ZNF793: variants seen among roughly 807,000 people sequenced by gnomAD.
ZNF793 encodes zinc finger protein 793.
In ZNF793, 5 loss-of-function variants were observed where a neutral mutation model predicts 12.4. That is an observed-to-expected ratio of 0.40 (90% CI 0.21 to 0.84). The LOEUF (loss-of-function observed/expected upper bound fraction) is 0.84. Ranked by LOEUF, ZNF793 falls within the 40% of genes least tolerant of loss-of-function variation. ZNF793 has a pLI of 0.35. For synonymous variants in ZNF793, 162 were observed against 172.4 expected (o/e 0.94, Z 0.47); for missense variants, 456 against 495.0 (o/e 0.92, Z 0.75).
rs1038084 is a variant in ZNF793, at chr19:37,539,780, A to T, written c.*1901A>T. 6.6e-6 allele frequency: 1 copy of T among 151,982 alleles called. No homozygotes were observed. Among genetic ancestry groups the T allele is most frequent in the Non-Finnish European group, 1.5e-5 (1 of 67,992 alleles). The allele number at this position is 151,982 out of a possible 1,614,324, so 9.4% of individuals were successfully genotyped here. Reference sequence around the variant, plus strand: ...AGTAGAAAACTTGGTAGGATAGTTAACATTGAAAAACTCAAAAAAGCTATT... The same window carrying T: ...AGTAGAAAACTTGGTAGGATAGTTATCATTGAAAAACTCAAAAAAGCTATT... On this transcript the variant is annotated 3_prime_UTR_variant, in exon 8 of 8. Coordinates refer to ENST00000627814, the MANE Select transcript of ZNF793 (RefSeq NM_001013659.3).
chr19:37,540,935 A>G lies in ZNF793; in HGVS notation c.*3056A>G, dbSNP rs946729555. 86 of 152,136 alleles carry G rather than the reference A, an allele frequency of 5.7e-4. 2 individuals are homozygous for G. The highest frequency in any genetic ancestry group is 1.7e-3 in the African/African-American group (70 of 41,572). 9.4% of individuals were successfully genotyped at this position (152,136 alleles called of 1,614,324 possible). A position where few individuals can be genotyped will look rare whatever the true frequency, so the allele number is the denominator to read the frequency against. On this transcript the variant is annotated 3_prime_UTR_variant, in exon 8 of 8. Coordinates refer to ENST00000627814, the MANE Select transcript of ZNF793 (RefSeq NM_001013659.3). ...TACCATGTATAAAAACATCACATGT[A>G]CCCAATAAATATATACAACAATTAT...
intron 5 of ZNF793, among the ~76,000 whole-genome samples, chr19:37,524,203 G>GT (rs2147083665): frequency 6.7e-6 from 1 of 148,362 alleles, no homozygotes; most frequent in African/African-American, 2.5e-5. Context: ...ATAATAAAGG[G>GT]TTTTAAGCCT....
intron 5 of ZNF793, among the ~76,000 whole-genome samples, chr19:37,528,662 C>G (rs541554668): frequency 6.6e-6 from 1 of 152,264 alleles, no homozygotes; most frequent in South Asian, 2.1e-4. Flanking sequence ...AGTGACTGTC[C>G]TGCTCCTTCA....
At chr19:37,506,442 T>C (rs989185153), upstream of ZNF793, 1 of 152,244 alleles carries the variant, frequency 6.6e-6, no homozygotes. Context: ...TGTCTCTGTC[T>C]CCCTAAGAGC....
At chr19:37,518,437 A>G (rs935509404) in intron 2 of ZNF793, among the ~76,000 whole-genome samples, 2 of 151,844 alleles carry the variant, frequency 1.3e-5, no homozygotes, top group Admixed American at 6.6e-5. Flanking sequence ...CTCCACTACT[A>G]TTTCTAATGC....
chr19:37,515,763 A>G (rs954090182), intron 2 of ZNF793, among the ~76,000 whole-genome samples: 13 of 152,208 alleles, frequency 8.5e-5, no homozygotes, highest in African/African-American at 2.9e-4. Context: ...AGATGTATAG[A>G]AAGTCTTGAA....
At chr19:37,530,103 G>C (rs1012935917) in intron 5 of ZNF793, among the ~76,000 whole-genome samples, 1 of 152,062 alleles carries the variant, frequency 6.6e-6, no homozygotes, top group Non-Finnish European at 1.5e-5. Context: ...AAATAATTAA[G>C]TGCTGTGCTT....
chr19:37,514,265 C>T (rs1435455908), intron 2 of ZNF793, among the ~76,000 whole-genome samples: 1 of 152,166 alleles, frequency 6.6e-6, no homozygotes, highest in African/African-American at 2.4e-5. Context: ...TTCCTGTCCA[C>T]CATCTCAACT....
Position 37,532,469 on chromosome 19 carries a change from C to G in ZNF793, c.129C>G (p.Asn43Lys). The G allele has an allele frequency of 6.2e-7, 1 of 1,607,320 alleles. No individual in the cohort carries two copies. Among genetic ancestry groups the G allele is most frequent in the Non-Finnish European group, 8.5e-7 (1 of 1,176,710 alleles). The change falls in exon 6 of 8, where the codon AAC (asparagine) becomes AAG (lysine). Residue 43 changes from asparagine to lysine, a missense_variant. Coordinates refer to ENST00000627814, the MANE Select transcript of ZNF793 (RefSeq NM_001013659.3). ...ATGTGATGCTGGAAACCTATAGCAA[C>G]CTCGTCTCAGTGGGTAAGAACATCC... is the stretch of plus-strand genomic sequence containing the variant. ...YRDVMLETYS[N>K]LVSVGYEGTK...
intron 5 of ZNF793, among the ~76,000 whole-genome samples, chr19:37,529,674 G>A (rs770504718): frequency 6.6e-6 from 1 of 152,062 alleles, no homozygotes; most frequent in Non-Finnish European, 1.5e-5. Flanking sequence ...TGTATTTTTA[G>A]TAGAGGTAGG....
chr19:37,535,572 C>G (rs548137942), intron 7 of ZNF793: 2 of 151,682 alleles, frequency 1.3e-5, no homozygotes, highest in African/African-American at 4.8e-5. Flanking sequence ...TCGCCCAGGC[C>G]GGAGTGCAAT....
At chr19:37,529,104 C>G (rs1370615962) in intron 5 of ZNF793, among the ~76,000 whole-genome samples, 1 of 152,192 alleles carries the variant, frequency 6.6e-6, no homozygotes, top group Non-Finnish European at 1.5e-5. Flanking sequence ...TTCCCTCCCA[C>G]AACCAGTTAA....
At chr19:37,528,167 G>C (rs534511934) in intron 5 of ZNF793, among the ~76,000 whole-genome samples, 2 of 152,166 alleles carry the variant, frequency 1.3e-5, no homozygotes, top group East Asian at 1.9e-4. Context: ...AATCAACAAA[G>C]AGAAGAGGCT....
intron 5 of ZNF793, among the ~76,000 whole-genome samples, chr19:37,527,768 GAA>G (rs2042427527): frequency 6.6e-6 from 1 of 152,140 alleles, no homozygotes; most frequent in Non-Finnish European, 1.5e-5. Context: ...AGGACTCATA[GAA>G]CTCACTGAAA....
chr19:37,525,971 C>T (rs1250625516), intron 5 of ZNF793, among the ~76,000 whole-genome samples: 2 of 152,126 alleles, frequency 1.3e-5, no homozygotes, highest in African/African-American at 2.4e-5. Context: ...GAGAAGACTT[C>T]TCCTTTCCCT....
rs758526935 is a variant in ZNF793 at position 37,537,544 on chromosome 19, T to A, written c.886T>A (p.Ser296Thr). The change falls in exon 8 of 8, where the codon TCA becomes ACA. Residue 296 changes from serine to threonine, a missense_variant. By Grantham distance (58) the Ser-to-Thr change is moderately conservative (BLOSUM62 1). Transcript: ENST00000627814. ...FFCGKAFTQK[S>T]HRTEHQRTHT... ...TTGTGGGAAAGCCTTTACCCAGAAG[T>A]CACACCGCACAGAACATCAGAGAAC... 4.3e-5 allele frequency: 70 copies of A among 1,614,044 alleles called. No homozygotes were observed. The highest frequency in any genetic ancestry group is 6.6e-5 in the South Asian group (6 of 91,090).
At chr19:37,507,506 T>C (rs190819521) in intron 1 of ZNF793, among the ~76,000 whole-genome samples, 3 of 152,248 alleles carry the variant, frequency 2.0e-5, no homozygotes, top group Non-Finnish European at 4.4e-5. Flanking sequence ...TCAGTGGTGA[T>C]GAATGTTTGG....
intron 5 of ZNF793, among the ~76,000 whole-genome samples, chr19:37,530,946 T>C (rs1246063784): frequency 6.6e-6 from 1 of 152,196 alleles, no homozygotes; most frequent in Non-Finnish European, 1.5e-5. Flanking sequence ...TTTTTCAAAA[T>C]TCTGTTTATT....
At chr19:37,521,805 T>C (rs1235508980) in intron 3 of ZNF793, among the ~76,000 whole-genome samples, 1 of 152,186 alleles carries the variant, frequency 6.6e-6, no homozygotes, top group African/African-American at 2.4e-5. Context: ...AGAATATTTC[T>C]GTGGTCTCCT....
Sources: gnomAD v4.1 joint callset for allele counts (sites outside exome capture counted in the v4.1 genomes callset) on GRCh38, gnomAD v4.1.1 for gene constraint, MANE v1.5 for transcripts, NCBI Gene and HGNC (gene_info 2026-07-23, HGNC 2026-07-21) for gene names.